PLAC9: variants seen among roughly 807,000 people sequenced by gnomAD.
The protein encoded by PLAC9 is placenta-specific protein 9.
Under a neutral mutation model 11.5 loss-of-function variants are expected in PLAC9, and 12 were observed. That is an observed-to-expected ratio of 1.05 (90% CI 0.67 to 1.69). PLAC9 has a LOEUF of 1.69. Among genes scored for constraint, PLAC9 ranks in the 40% most tolerant of loss-of-function variants. The probability of loss-of-function intolerance (pLI) is 0.00; values close to 1 mark genes in which losing one functional copy is unlikely to be tolerated. For synonymous variants in PLAC9, 62 were observed against 58.1 expected (o/e 1.07, Z -0.31); for missense variants, 132 against 130.5 (o/e 1.01, Z -0.06).
chr10:80,139,828 G>A (rs1474313414), intron 1 of PLAC9, among the ~76,000 whole-genome samples: 1 of 151,590 alleles, frequency 6.6e-6, no homozygotes, highest in African/African-American at 2.4e-5. Flanking sequence ...GGCCTCAAGC[G>A]ACCCTCCCAC....
intron 1 of PLAC9, among the ~76,000 whole-genome samples, chr10:80,138,754 C>A (rs1388751356): frequency 2.0e-5 from 3 of 152,106 alleles, no homozygotes; most frequent in African/African-American, 7.2e-5. Flanking sequence ...AGACCTGCCC[C>A]ACTTCTAGAC....
At chr10:80,138,246 T>C (rs1385934291) in intron 1 of PLAC9, among the ~76,000 whole-genome samples, 1 of 152,194 alleles carries the variant, frequency 6.6e-6, no homozygotes, top group Non-Finnish European at 1.5e-5. Flanking sequence ...CATCCACGCA[T>C]GCCTCTCCAC....
At chr10:80,135,268 C>T (rs113106744) in intron 1 of PLAC9, among the ~76,000 whole-genome samples, 5,646 of 150,278 alleles carry the variant, frequency 0.038, 192 homozygotes, top group Middle Eastern at 0.11. Flanking sequence ...GTGATTTGCC[C>T]GCCTCGGCCT....
chr10:80,133,534 TGAA>T (rs1589402227), intron 1 of PLAC9, among the ~76,000 whole-genome samples: 1 of 152,176 alleles, frequency 6.6e-6, no homozygotes, highest in Non-Finnish European at 1.5e-5. Context: ...CTGCAGTCAG[TGAA>T]GAAGTCAGCC....
intron 1 of PLAC9, 110 bp downstream of exon 1, chr10:80,132,936 T>C: frequency 1.1e-6 from 1 of 919,422 alleles, no homozygotes; most frequent in Non-Finnish European, 1.5e-6. Context: ...AGCAGCGAGA[T>C]GGACAGAGAG....
chr10:80,140,992 G>T (rs542645111), intron 1 of PLAC9, among the ~76,000 whole-genome samples: 203 of 152,250 alleles, frequency 1.3e-3, no homozygotes, highest in African/African-American at 4.6e-3. Flanking sequence ...CTGTGCATCA[G>T]TTTTCCTACG....
chr10:80,132,694 C>T (rs542296301), upstream of PLAC9: 5 of 1,321,370 alleles, frequency 3.8e-6, no homozygotes, highest in Admixed American at 3.3e-5. Flanking sequence ...TCCTCTCGGG[C>T]CGGCCGGGTG....
At chr10:80,142,474 GT>G (rs1845051713) in intron 2 of PLAC9, among the ~76,000 whole-genome samples, 1 of 152,150 alleles carries the variant, frequency 6.6e-6, no homozygotes, top group Non-Finnish European at 1.5e-5. Flanking sequence ...CCTAACTTGT[GT>G]GGGGAAAAGT....
chr10:80,141,057 G>A (rs1307820598), intron 1 of PLAC9, among the ~76,000 whole-genome samples: 1 of 152,142 alleles, frequency 6.6e-6, no homozygotes, highest in Non-Finnish European at 1.5e-5. Flanking sequence ...CACCCTACAT[G>A]GTGCATGGTA....
intron 1 of PLAC9, among the ~76,000 whole-genome samples, chr10:80,136,742 G>C (rs1844978892): frequency 1.3e-5 from 2 of 151,566 alleles, no homozygotes; most frequent in Non-Finnish European, 1.5e-5. Flanking sequence ...CAAACTTCTG[G>C]CTTCAAGCGA....
At position 80,144,917 on chromosome 10, in the gene PLAC9, G is replaced by C. The variant is rs754226546; in HGVS notation, c.*7G>C. 8.3e-6 allele frequency: 13 copies of C among 1,574,180 alleles called. No homozygotes were observed. Among genetic ancestry groups the C allele is most frequent in the African/African-American group, 1.3e-5 (1 of 74,398 alleles). On this transcript the variant is annotated 3_prime_UTR_variant, in exon 4 of 4. Transcript: ENST00000372263. ...TCTTTCAGATGGCTTCTGAGCCCTGGAGCTGGAGCCCAGCAGTTGGAGGTG... is the reference window on the plus strand; with the variant it reads ...TCTTTCAGATGGCTTCTGAGCCCTGCAGCTGGAGCCCAGCAGTTGGAGGTG...
At chr10:80,144,192 G>A (rs1250748209) in intron 2 of PLAC9, 31 bp from the exon 3 acceptor site, 5 of 1,613,928 alleles carry the variant, frequency 3.1e-6, no homozygotes, top group African/African-American at 1.3e-5. Flanking sequence ...AACCACTTCT[G>A]TCCTCGACTT....
chr10:80,144,666 A>C (rs1845080737), intron 3 of PLAC9, among the ~76,000 whole-genome samples: 1 of 151,840 alleles, frequency 6.6e-6, no homozygotes, highest in African/African-American at 2.4e-5. Flanking sequence ...AGCTCCTTTA[A>C]TTTTCCCCTG....
intron 1 of PLAC9, among the ~76,000 whole-genome samples, chr10:80,141,536 T>C (rs1173558692): frequency 1.3e-5 from 2 of 151,840 alleles, no homozygotes; most frequent in African/African-American, 4.8e-5. Context: ...GAGGCGGAGG[T>C]TGGAGTGAGC....
At chr10:80,139,188 A>G (rs1246344221) in intron 1 of PLAC9, among the ~76,000 whole-genome samples, 4 of 151,870 alleles carry the variant, frequency 2.6e-5, no homozygotes, top group South Asian at 2.1e-4. Flanking sequence ...TCCTGACCTC[A>G]TGATCTGCCC....
chr10:80,132,739 G>A lies in PLAC9; in HGVS notation c.-24G>A. The A allele has an allele frequency of 6.9e-7, 1 of 1,449,522 alleles. No homozygotes were observed. The highest frequency in any genetic ancestry group is 9.0e-7 in the Non-Finnish European group (1 of 1,110,624). The allele number at this position is 1,449,522 out of a possible 1,614,324, so 89.8% of individuals were successfully genotyped here. On this transcript the variant is annotated 5_prime_UTR_variant, in exon 1 of 4. Coordinates refer to ENST00000372263, the MANE Select transcript of PLAC9 (RefSeq NM_001012973.3). ...AAGGGCGGCTGCGGGCAGACGCGGC[G>A]CTGCGCTCGGCCAGGCCGGCACCAT...
chr10:80,143,267 A>G (rs1319902027), intron 2 of PLAC9, among the ~76,000 whole-genome samples: 2 of 148,850 alleles, frequency 1.3e-5, no homozygotes, highest in African/African-American at 5.0e-5. Context: ...GGGTTTCACC[A>G]TGTTGGCCAG....
upstream of PLAC9, chr10:80,132,680 C>T (rs760532476): frequency 1.4e-4 from 168 of 1,186,914 alleles, 2 homozygotes; most frequent in Non-Finnish European, 1.8e-4. Context: ...GAACTGAGTG[C>T]ATTTCCTCTC....
At chr10:80,134,639 G>T (rs756552371) in intron 1 of PLAC9, among the ~76,000 whole-genome samples, 12 of 152,010 alleles carry the variant, frequency 7.9e-5, no homozygotes, top group Non-Finnish European at 1.8e-4. Flanking sequence ...AAACATAACT[G>T]CAATGCTATG....
Sources: allele counts gnomAD v4.1 joint callset (sites outside exome capture counted in the v4.1 genomes callset), GRCh38; gene constraint gnomAD v4.1.1; transcripts MANE v1.5; gene names NCBI Gene and HGNC (gene_info 2026-07-23, HGNC 2026-07-21).